The following ENTPD1 variants were observed in gnomAD, a reference collection of about 807,000 sequenced individuals.
ENTPD1 encodes ectonucleoside triphosphate diphosphohydrolase 1, also known as ATP diphosphohydrolase.
A neutral mutation model predicts 57.0 loss-of-function variants in ENTPD1; 33 were observed. That is an observed-to-expected ratio of 0.58 (90% CI 0.44 to 0.77). The LOEUF is 0.77. Ranked by LOEUF, ENTPD1 falls within the 30% of genes least tolerant of loss-of-function variation. The pLI, the probability that ENTPD1 is intolerant of heterozygous loss-of-function variation, is 0.00. For synonymous variants in ENTPD1, 202 were observed against 218.8 expected, an observed-to-expected ratio of 0.92 and a Z score of 0.68; for missense variants, 501 against 603.4, an observed-to-expected ratio of 0.83 and a Z score of 1.78.
intron 1 of ENTPD1, among the ~76,000 whole-genome samples, chr10:95,742,638 A>G (rs984053576): frequency 1.3e-4 from 19 of 150,806 alleles, no homozygotes; most frequent in Non-Finnish European, 2.7e-4. Flanking sequence ...TAACAAGGCC[A>G]TTTCCGTGTC....
chr10:95,728,258 A>G, intron 1 of ENTPD1, among the ~76,000 whole-genome samples: 1 of 152,220 alleles, frequency 6.6e-6, no homozygotes, highest in East Asian at 1.9e-4. Context: ...GTTGATTAAT[A>G]CATATTTTGT....
At chr10:95,838,145 A>C (rs2098415065) in intron 2 of ENTPD1, among the ~76,000 whole-genome samples, 1 of 152,168 alleles carries the variant, frequency 6.6e-6, no homozygotes, top group Non-Finnish European at 1.5e-5. Context: ...TTCTTCTCTA[A>C]GGAAGATTTA....
At chr10:95,811,386 C>T (rs2098306644) in intron 1 of ENTPD1, among the ~76,000 whole-genome samples, 1 of 152,160 alleles carries the variant, frequency 6.6e-6, no homozygotes. Flanking sequence ...CCAATGTTCA[C>T]CTTCCCAGCT....
chr10:95,801,179 C>A (rs551269097), intron 1 of ENTPD1, among the ~76,000 whole-genome samples: 1 of 152,210 alleles, frequency 6.6e-6, no homozygotes, highest in Non-Finnish European at 1.5e-5. Context: ...CCTGCAACAG[C>A]TGTGCCGAAG....
intron 1 of ENTPD1, among the ~76,000 whole-genome samples, chr10:95,776,622 C>A (rs868439997): frequency 2.0e-5 from 3 of 152,074 alleles, no homozygotes; most frequent in African/African-American, 7.2e-5. Context: ...TGGGGTTGCT[C>A]TTCTCAAGGA....
intron 8 of ENTPD1, among the ~76,000 whole-genome samples, chr10:95,862,013 A>G (rs548117913): frequency 6.6e-6 from 1 of 152,074 alleles, no homozygotes; most frequent in Non-Finnish European, 1.5e-5. Context: ...AAAAAAAAAA[A>G]AAAAGTTCTG....
At chr10:95,836,839 T>C (rs2098410931) in intron 2 of ENTPD1, among the ~76,000 whole-genome samples, 1 of 152,214 alleles carries the variant, frequency 6.6e-6, no homozygotes, top group South Asian at 2.1e-4. Context: ...TGGGCTCTGA[T>C]GGATGTTGTA....
chr10:95,863,257 C>T (rs866857526), intron 8 of ENTPD1, among the ~76,000 whole-genome samples: 2 of 152,290 alleles, frequency 1.3e-5, no homozygotes, highest in Admixed American at 6.5e-5. Context: ...CCCAGCCCCC[C>T]ACAAGGGATA....
chr10:95,773,990 C>T (rs1216904536), intron 1 of ENTPD1, among the ~76,000 whole-genome samples: 4 of 152,178 alleles, frequency 2.6e-5, no homozygotes, highest in Admixed American at 6.5e-5. Flanking sequence ...TCCTCTCCAG[C>T]GTCTGTTGTT....
intron 1 of ENTPD1, among the ~76,000 whole-genome samples, chr10:95,771,533 G>A (rs1474674192): frequency 6.6e-6 from 1 of 152,084 alleles, no homozygotes; most frequent in Non-Finnish European, 1.5e-5. Context: ...TTTTGAAAGA[G>A]CCCCTCTCCT....
chr10:95,747,818 GT>G lies in ENTPD1; in HGVS notation c.37+35833del, dbSNP rs917688942. ...TTTTCTTGCTTACACTGGTTTAACA[GT>G]TTTTTTTGGCTTTGATCAGTTTATT... is the stretch of plus-strand genomic sequence containing the variant. On this transcript the variant is annotated intron_variant, in intron 1 of 9. Coordinates refer to the ENTPD1 transcript ENST00000453258. Among the ~76,000 whole-genome samples the G allele has an allele frequency of 1.1e-3, 171 of 151,360 alleles. 2 individuals carry two copies. Among genetic ancestry groups the G allele is most frequent in the East Asian group, 1.4e-3 (7 of 5,164 alleles).
intron 1 of ENTPD1, among the ~76,000 whole-genome samples, chr10:95,787,455 G>A (rs2098184564): frequency 6.6e-6 from 1 of 152,172 alleles, no homozygotes; most frequent in Non-Finnish European, 1.5e-5. Context: ...GGATGTTAAA[G>A]ATAGTATTTG....
rs535718212 is a variant in ENTPD1 at position 95,829,000 on chromosome 10, C to T, written c.144+5636C>T. Among the ~76,000 whole-genome samples the T allele has an allele frequency of 2.6e-5, 4 of 152,300 alleles. No homozygotes were observed. In the East Asian group the frequency reaches 5.8e-4, roughly 22 times the overall value. ...TGCTGGGATTACAGGCATGAGCCAT[C>T]GCACCTGGCCATGCCCATTTTATAG... On this transcript the variant is annotated intron_variant, in intron 2 of 9. Transcript: ENST00000371205.
chr10:95,865,748 A>AGTCATGATGTATGTGTGT (rs2098473150), intron 9 of ENTPD1, among the ~76,000 whole-genome samples: 1 of 152,150 alleles, frequency 6.6e-6, no homozygotes, highest in Admixed American at 6.5e-5. Flanking sequence ...CACACGAGGT[A>AGTCATGATGTATGTGTGT]GTCATGATGT....
rs954093309 is a variant in ENTPD1, at chr10:95,871,061, C to G, written c.*4678C>G. 1.5e-5 allele frequency: 15 copies of G among 984,860 alleles called. No individual in the cohort carries two copies. The Admixed American group carries it at 8.6e-4, about 57-fold the overall frequency. The allele number at this position is 984,860 out of a possible 1,614,324, so 61.0% of individuals were successfully genotyped here. A position where few individuals can be genotyped will look rare whatever the true frequency, so the allele number is the denominator to read the frequency against. ...CTAGGATGCCTCTTAAGGTCTTGGT[C>G]AGGATGGGGTCTCCTGTCACTTCTG... On this transcript the variant is annotated 3_prime_UTR_variant, in exon 10 of 10. Transcript: ENST00000371205.
At position 95,860,579 on chromosome 10, in the gene ENTPD1, G is replaced by A; in HGVS notation, c.1185G>A (p.Glu395=). 6.2e-7 allele frequency: 1 copy of A among 1,613,224 alleles called. No individual in the cohort carries two copies. The highest frequency in any genetic ancestry group is 8.5e-7 in the Non-Finnish European group (1 of 1,179,318). The part of the protein sequence containing the change: ...MMKKFCAQPW[E]EIKTSYAGVK... ...AAAAGTTCTGTGCTCAGCCTTGGGA[G>A]GAGGTAAGTGACTAGGCACAGCAGC... The change falls in exon 8 of 10, where the codon GAG becomes GAA. Residue 395 remains glutamate (E), a synonymous_variant. Transcript: ENST00000371205.
intron 1 of ENTPD1, among the ~76,000 whole-genome samples, chr10:95,735,024 GA>G (rs2097993104): frequency 1.5e-5 from 2 of 136,470 alleles, no homozygotes; most frequent in Non-Finnish European, 3.1e-5. Context: ...GATGAAAATA[GA>G]TTTTTTTTTT....
Position 95,740,247 on chromosome 10 carries a change from T to C in ENTPD1, c.37+28254T>C, listed in dbSNP as rs369797179. ...TTCAAGTGATTCTCGTGCCTCGGCC[T>C]CCCGAATAGCTGGGACTACAGACAC... On this transcript the variant is annotated intron_variant, in intron 1 of 9. Transcript: ENST00000453258. Among the ~76,000 whole-genome samples, 97 of 152,328 alleles carry C rather than the reference T, an allele frequency of 6.4e-4. 1 individual carries two copies. The South Asian group carries it at 0.02, about 31-fold the overall frequency.
rs1327786790 is a variant in ENTPD1 at position 95,875,378 on chromosome 10, A to G, written c.*8995A>G. On this transcript the variant is annotated 3_prime_UTR_variant, in exon 10 of 10. Transcript: ENST00000371205. ...GCCAGTCTCCTTGCTAAAACATAAC[A>G]AGGGTCACCTTTACTTCAGTTCCCA... 1 of 152,244 alleles carries G rather than the reference A, an allele frequency of 6.6e-6. No homozygotes were observed. The highest frequency in any genetic ancestry group is 1.9e-4 in the East Asian group (1 of 5,190). 9.4% of individuals were successfully genotyped at this position (152,244 alleles called of 1,614,324 possible). A position where few individuals can be genotyped will look rare whatever the true frequency, so the allele number is the denominator to read the frequency against.
Sources: gnomAD v4.1 joint callset for allele counts (sites outside exome capture counted in the v4.1 genomes callset) on GRCh38, gnomAD v4.1.1 for gene constraint, MANE v1.5 for transcripts, NCBI Gene and HGNC (gene_info 2026-07-23, HGNC 2026-07-21) for gene names.